Variants in ASTN2 observed in about 807,000 individuals in gnomAD.
ASTN2 encodes astrotactin-2.
A neutral mutation model predicts 139.8 loss-of-function variants in ASTN2; 54 were observed. The ratio of observed to expected loss-of-function variants is 0.39; its 90% CI spans 0.31 to 0.48. ASTN2 has a LOEUF of 0.48. Among genes scored for constraint, ASTN2 ranks in the 20% least tolerant of loss-of-function variants. ASTN2 has a pLI of 0.95. For missense variants in ASTN2, 1,565 were observed against 1,725.1 expected, an observed-to-expected ratio of 0.91 and a Z score of 1.64; for synonymous variants, 756 against 719.5, an observed-to-expected ratio of 1.05 and a Z score of -0.81.
intron 19 of ASTN2, among the ~76,000 whole-genome samples, chr9:116,617,791 A>G (rs1034543814): frequency 6.6e-6 from 1 of 152,226 alleles, no homozygotes; most frequent in East Asian, 1.9e-4. Context: ...GGCAGTGTCA[A>G]AATTTAGAAG....
Position 117,110,885 on chromosome 9 carries a change from G to C in ASTN2, c.1169-14734C>G, listed in dbSNP as rs1013944212. Among the ~76,000 whole-genome samples the C allele has an allele frequency of 7.2e-5, 11 of 152,186 alleles. 1 individual carries two copies. Among genetic ancestry groups the C allele is most frequent in the Admixed American group, 7.2e-4 (11 of 15,286 alleles). On this transcript the variant is annotated intron_variant, in intron 4 of 22. Transcript: ENST00000313400. Reference sequence around the variant, plus strand: ...TCCCAGATCAAGTAAAGCCAGCAGAGAGTGAGGGAAGAATCAAGAAAAGGA... The same window carrying C: ...TCCCAGATCAAGTAAAGCCAGCAGACAGTGAGGGAAGAATCAAGAAAAGGA...
intron 11 of ASTN2, among the ~76,000 whole-genome samples, chr9:116,843,675 A>T (rs1048307481): frequency 3.7e-4 from 56 of 151,720 alleles, no homozygotes; most frequent in Non-Finnish European, 6.6e-4. Flanking sequence ...AAAAAAAAAA[A>T]AGTGGGAGCT....
intron 11 of ASTN2, among the ~76,000 whole-genome samples, chr9:116,822,569 T>G (rs1298843234): frequency 6.6e-6 from 1 of 152,140 alleles, no homozygotes; most frequent in Non-Finnish European, 1.5e-5. Context: ...TTGAAAAGAA[T>G]GACTGATTTT....
intron 2 of ASTN2, among the ~76,000 whole-genome samples, chr9:117,223,348 G>A (rs550754905): frequency 3.0e-4 from 46 of 152,210 alleles, no homozygotes; most frequent in African/African-American, 6.3e-4. Flanking sequence ...TAAACATCTC[G>A]CATACACAGG....
At chr9:117,082,257 C>T (rs2132726861) in intron 5 of ASTN2, among the ~76,000 whole-genome samples, 1 of 152,276 alleles carries the variant, frequency 6.6e-6, no homozygotes, top group Middle Eastern at 3.4e-3. Flanking sequence ...TCCTTCCTTG[C>T]CTGGCTGTGT....
intron 2 of ASTN2, among the ~76,000 whole-genome samples, chr9:117,284,395 G>T (rs779023395): frequency 1.3e-5 from 2 of 152,188 alleles, no homozygotes; most frequent in African/African-American, 2.4e-5. Flanking sequence ...TTCAGCCACC[G>T]CACCTGGCCT....
chr9:117,309,971 T>C (rs578251339), intron 1 of ASTN2, among the ~76,000 whole-genome samples: 12 of 152,142 alleles, frequency 7.9e-5, no homozygotes, highest in Non-Finnish European at 1.0e-4. Context: ...CTGCAAATTA[T>C]GTAGCTGGTC....
intron 6 of ASTN2, among the ~76,000 whole-genome samples, chr9:117,039,482 G>A (rs1184266776): frequency 1.3e-5 from 2 of 151,984 alleles, no homozygotes. Context: ...TGAAGCATGC[G>A]GGGCTTAAAA....
At position 116,922,525 on chromosome 9, in the gene ASTN2, A is replaced by G. The variant is rs1834641085; in HGVS notation, c.1889+52683T>C. Among the ~76,000 whole-genome samples, 10 of 152,358 alleles carry G rather than the reference A, an allele frequency of 6.6e-5. No homozygotes were observed. In the South Asian group the frequency reaches 2.1e-3, roughly 32 times the overall value. On this transcript the variant is annotated intron_variant, in intron 10 of 22. Coordinates refer to ENST00000313400, the MANE Select transcript of ASTN2 (RefSeq NM_001365068.1). ...TACTAAAACCTAGTCACAAAAATGCATGCACAAGTCTGTGTATTGTTGCAT... is the reference window on the plus strand; with the variant it reads ...TACTAAAACCTAGTCACAAAAATGCGTGCACAAGTCTGTGTATTGTTGCAT...
intron 10 of ASTN2, among the ~76,000 whole-genome samples, chr9:116,924,676 G>A (rs569769486): frequency 5.9e-5 from 9 of 152,258 alleles, no homozygotes; most frequent in African/African-American, 2.2e-4. Flanking sequence ...GCTGGTGGGA[G>A]TGCCTCTTAG....
chr9:117,172,903 C>T (rs979320279), intron 3 of ASTN2, among the ~76,000 whole-genome samples: 3 of 152,072 alleles, frequency 2.0e-5, no homozygotes, highest in Admixed American at 6.6e-5. Flanking sequence ...CCCTTGGGTC[C>T]CTTACCTGAA....
intron 11 of ASTN2, among the ~76,000 whole-genome samples, chr9:116,827,526 A>G (rs1423515205): frequency 6.6e-6 from 1 of 152,098 alleles, no homozygotes; most frequent in Non-Finnish European, 1.5e-5. Flanking sequence ...TCAAATAAAT[A>G]CAACCAGAAA....
intron 2 of ASTN2, among the ~76,000 whole-genome samples, chr9:117,243,874 A>G (rs766688056): frequency 6.6e-6 from 1 of 152,152 alleles, no homozygotes; most frequent in African/African-American, 2.4e-5. Context: ...GTACCAGCCC[A>G]TGCTTAGTAC....
chr9:116,630,404 A>G (rs552867552), intron 17 of ASTN2, among the ~76,000 whole-genome samples: 1 of 152,328 alleles, frequency 6.6e-6, no homozygotes, highest in South Asian at 2.1e-4. Context: ...TCCTGTGATC[A>G]GGTGATTTCA....
chr9:116,497,201 C>T (rs1849695812), intron 19 of ASTN2, among the ~76,000 whole-genome samples: 1 of 152,148 alleles, frequency 6.6e-6, no homozygotes, highest in African/African-American at 2.4e-5. Flanking sequence ...CTGAAATAGC[C>T]ATGGGCCAAG....
intron 19 of ASTN2, among the ~76,000 whole-genome samples, chr9:116,510,328 A>C (rs1850316655): frequency 6.6e-6 from 1 of 152,088 alleles, no homozygotes; most frequent in South Asian, 2.1e-4. Context: ...GATGTGTGGT[A>C]TTATTTCTGA....
rs144172350 is a variant in ASTN2, at chr9:116,756,283, G to A, written c.2397-22760C>T. ...AACAAGCTCTAGGGGCTCAAACTTAGTCTTAACAGATGCCAGAGCTCATGG... is the reference window on the plus strand; with the variant it reads ...AACAAGCTCTAGGGGCTCAAACTTAATCTTAACAGATGCCAGAGCTCATGG... On this transcript the variant is annotated intron_variant, in intron 13 of 22. Coordinates refer to ENST00000313400, the MANE Select transcript of ASTN2 (RefSeq NM_001365068.1). Among the ~76,000 whole-genome samples, 10 of 152,240 alleles carry A rather than the reference G, an allele frequency of 6.6e-5. No individual in the cohort carries two copies. In the East Asian group the frequency reaches 1.7e-3, roughly 27 times the overall value.
chr9:116,984,909 C>A (rs73655567), intron 7 of ASTN2, among the ~76,000 whole-genome samples: 8,919 of 152,202 alleles, frequency 0.059, 421 homozygotes, highest in African/African-American at 0.13. Context: ...TTGAAATCAG[C>A]ATCTCTCTTG....
intron 2 of ASTN2, among the ~76,000 whole-genome samples, chr9:117,221,214 C>T (rs1005480656): frequency 2.6e-5 from 4 of 152,122 alleles, no homozygotes; most frequent in Admixed American, 6.5e-5. Flanking sequence ...GTGCCTTCAG[C>T]TGGTTTTCTT....
Sources: allele counts gnomAD v4.1 joint callset (sites outside exome capture counted in the v4.1 genomes callset), GRCh38; gene constraint gnomAD v4.1.1; transcripts MANE v1.5; gene names NCBI Gene and HGNC (gene_info 2026-07-23, HGNC 2026-07-21).